NDUFA10: variants seen among roughly 807,000 people sequenced by gnomAD.
The protein encoded by NDUFA10 is NADH dehydrogenase [ubiquinone] 1 alpha subcomplex subunit 10, mitochondrial.
NDUFA10 carries 40 observed loss-of-function variants against 47.8 expected under a neutral mutation model. The observed-to-expected ratio is 0.84, with a 90% CI of 0.65 to 1.09. The LOEUF is 1.09. NDUFA10 is among the 50% of genes least tolerant of loss of function. The pLI, the probability that NDUFA10 is intolerant of heterozygous loss-of-function variation, is 0.00. For synonymous variants in NDUFA10, 183 were observed against 172.2 expected, an observed-to-expected ratio of 1.06 and a Z score of -0.49; for missense variants, 413 against 451.1, an observed-to-expected ratio of 0.92 and a Z score of 0.76.
chr2:239,943,843 C>T (rs995135048), intron 4 of NDUFA10, among the ~76,000 whole-genome samples: 18 of 152,160 alleles, frequency 1.2e-4, no homozygotes, highest in African/African-American at 3.9e-4. Context: ...ACCTGCAGTC[C>T]AAGACTCCTT....
Position 240,014,789 on chromosome 2 carries a change from T to C in NDUFA10, c.619A>G (p.Ile207Val), listed in dbSNP as rs201795137. Residue 207 changes from isoleucine to valine, a missense_variant, in exon 5 of 10, where the codon ATC becomes GTC. By Grantham distance (29) the Ile-to-Val change is conservative. Coordinates refer to ENST00000252711, the MANE Select transcript of NDUFA10 (RefSeq NM_004544.4). ...TGGACCTCTGGAACGGGCACATCGATGTAAATCACCAGGTGGGGGGGCAGG... is the reference window on the plus strand; with the variant it reads ...TGGACCTCTGGAACGGGCACATCGACGTAAATCACCAGGTGGGGGGGCAGG... ...DYLPPHLVIY[I>V]DVPVPEVQRR... The C allele has an allele frequency of 8.7e-6, 14 of 1,614,222 alleles. No homozygotes were observed. The highest frequency in any genetic ancestry group is 4.5e-5 in the East Asian group (2 of 44,890).
At chr2:239,997,365 A>G (rs1037372896) in intron 8 of NDUFA10, among the ~76,000 whole-genome samples, 1 of 152,254 alleles carries the variant, frequency 6.6e-6, no homozygotes, top group Non-Finnish European at 1.5e-5. Context: ...GCAAATAAAT[A>G]GCCAATAAAA....
intron 8 of NDUFA10, among the ~76,000 whole-genome samples, chr2:239,995,476 G>C (rs992184952): frequency 1.3e-5 from 2 of 152,074 alleles, no homozygotes; most frequent in African/African-American, 4.8e-5. Context: ...AAGATGTTAA[G>C]GGAAAAGATA....
intron 9 of NDUFA10, among the ~76,000 whole-genome samples, chr2:239,970,297 C>T (rs1305327120): frequency 6.6e-6 from 1 of 152,060 alleles, no homozygotes. Flanking sequence ...AATTCTATAT[C>T]AAAAGAAAAT....
chr2:239,939,264 CT>C (rs1446753749), intron 4 of NDUFA10, among the ~76,000 whole-genome samples: 1 of 152,208 alleles, frequency 6.6e-6, no homozygotes, highest in Non-Finnish European at 1.5e-5. Context: ...CCAGTGTCTT[CT>C]GGACACTTTC....
At chr2:239,894,514 G>A (rs1574758202) in intron 5 of NDUFA10, among the ~76,000 whole-genome samples, 1 of 152,110 alleles carries the variant, frequency 6.6e-6, no homozygotes, top group Admixed American at 6.5e-5. Flanking sequence ...CCCCAACACC[G>A]GATCTGTCAG....
chr2:239,942,759 C>T (rs1474712649), intron 4 of NDUFA10, among the ~76,000 whole-genome samples: 1 of 152,064 alleles, frequency 6.6e-6, no homozygotes, highest in Non-Finnish European at 1.5e-5. Flanking sequence ...CCCTTCCCTG[C>T]CTTTCCATTC....
At chr2:239,912,591 G>A (rs1340010786) in intron 4 of NDUFA10, among the ~76,000 whole-genome samples, 2 of 55,024 alleles carry the variant, frequency 3.6e-5, no homozygotes, top group Non-Finnish European at 6.5e-5. Flanking sequence ...ATGGTGCCAC[G>A]TGGGGCTCAG....
intron 4 of NDUFA10, among the ~76,000 whole-genome samples, chr2:239,897,805 C>CA (rs747641348): frequency 6.6e-6 from 1 of 152,220 alleles, no homozygotes; most frequent in Non-Finnish European, 1.5e-5. Flanking sequence ...CCAGAGACTG[C>CA]AGCACCCAGG....
At chr2:239,914,850 C>T (rs987467336) in intron 4 of NDUFA10, among the ~76,000 whole-genome samples, 7 of 147,594 alleles carry the variant, frequency 4.7e-5, no homozygotes, top group African/African-American at 1.9e-4. Context: ...AATATACAGA[C>T]ACACACAGAG....
Position 240,014,809 on chromosome 2 carries a change from G to T in NDUFA10, c.599C>A (p.Pro200His), listed in dbSNP as rs140102385. 1 of 1,614,030 alleles carries T rather than the reference G, an allele frequency of 6.2e-7. No homozygotes were observed. Among genetic ancestry groups the T allele is most frequent in the South Asian group, 1.1e-5 (1 of 91,086 alleles). Reference protein sequence around the residue: ...VKSVTICDYLPPHLVIYIDVP... With the variant: ...VKSVTICDYLHPHLVIYIDVP... ...ATCGATGTAAATCACCAGGTGGGGG[G>T]GCAGGTAATCGCAGATGGTGACGCT... Residue 200 changes from proline (P) to histidine (H), a missense_variant, in exon 5 of 10, where the codon CCC becomes CAC. By Grantham distance (77) the Pro-to-His change is moderately conservative. Transcript: ENST00000252711.
intron 9 of NDUFA10, among the ~76,000 whole-genome samples, chr2:239,988,194 T>C (rs1385405044): frequency 2.0e-5 from 3 of 152,034 alleles, no homozygotes; most frequent in Admixed American, 6.6e-5. Flanking sequence ...TTAAAGGACA[T>C]AGAAAAAGTT....
intron 4 of NDUFA10, among the ~76,000 whole-genome samples, chr2:239,909,394 C>T (rs1228727786): frequency 2.6e-5 from 4 of 152,160 alleles, no homozygotes; most frequent in African/African-American, 9.7e-5. Flanking sequence ...AGGCAGATCA[C>T]GAGGTCAGGA....
At chr2:240,011,277 C>A (rs1307587086) in intron 6 of NDUFA10, among the ~76,000 whole-genome samples, 2 of 152,178 alleles carry the variant, frequency 1.3e-5, no homozygotes, top group African/African-American at 4.8e-5. Flanking sequence ...TAGGTAAACA[C>A]GAATGTTTAG....
At chr2:239,967,451 G>A (rs1695123890) in intron 9 of NDUFA10, among the ~76,000 whole-genome samples, 1 of 152,232 alleles carries the variant, frequency 6.6e-6, no homozygotes, top group Non-Finnish European at 1.5e-5. Context: ...GTGAGAGGCT[G>A]TGTGGCCCGC....
At chr2:239,895,338 C>A (rs1240386710) in intron 4 of NDUFA10, 7 of 457,692 alleles carry the variant, frequency 1.5e-5, no homozygotes, top group Non-Finnish European at 2.7e-5. Flanking sequence ...GGACAGTGAC[C>A]ACAGAGCATA....
intron 9 of NDUFA10, among the ~76,000 whole-genome samples, chr2:239,981,214 T>A (rs1330238421): frequency 6.6e-6 from 1 of 152,206 alleles, no homozygotes; most frequent in Non-Finnish European, 1.5e-5. Flanking sequence ...CTGTACTTCA[T>A]CTGGCAACCT....
At chr2:239,954,201 G>T (rs1328350949), downstream of NDUFA10, among the ~76,000 whole-genome samples, 1 of 147,788 alleles carries the variant, frequency 6.8e-6, no homozygotes, top group African/African-American at 2.6e-5. Flanking sequence ...CACCTGCCAG[G>T]CCAGCTGAGT....
chr2:239,929,831 C>T (rs546343289), intron 4 of NDUFA10, among the ~76,000 whole-genome samples: 2 of 149,726 alleles, frequency 1.3e-5, no homozygotes, highest in Admixed American at 6.6e-5. Context: ...CTTGCTCCTC[C>T]GCCGGCCCTG....
Sources: gnomAD v4.1 joint callset for allele counts (sites outside exome capture counted in the v4.1 genomes callset) on GRCh38, gnomAD v4.1.1 for gene constraint, MANE v1.5 for transcripts, NCBI Gene and HGNC (gene_info 2026-07-23, HGNC 2026-07-21) for gene names.